Variants in ADAMTS6 observed in about 807,000 individuals in gnomAD.
The protein encoded by ADAMTS6 is ADAM metallopeptidase with thrombospondin type 1 motif 6, also known as A disintegrin and metalloproteinase with thrombospondin motifs 6.
ADAMTS6 carries 23 observed loss-of-function variants against 144.3 expected under a neutral mutation model. The observed-to-expected ratio is 0.16, with a 90% CI of 0.11 to 0.23. ADAMTS6 has a LOEUF of 0.23. Among genes scored for constraint, ADAMTS6 ranks in the 10% least tolerant of loss-of-function variants. The pLI, the probability that ADAMTS6 is intolerant of heterozygous loss-of-function variation, is 1.00. For missense variants in ADAMTS6, 999 were observed against 1,379.6 expected (o/e 0.72, Z 4.37); for synonymous variants, 444 against 457.5 (o/e 0.97, Z 0.38).
intron 7 of ADAMTS6, among the ~76,000 whole-genome samples, chr5:65,438,483 C>A (rs999938372): frequency 1.3e-5 from 2 of 152,118 alleles, no homozygotes; most frequent in Non-Finnish European, 2.9e-5. Flanking sequence ...GCCAAGATCA[C>A]GCCACTGCAC....
At chr5:65,243,084 T>A (rs759945399) in intron 14 of ADAMTS6, among the ~76,000 whole-genome samples, 1 of 152,102 alleles carries the variant, frequency 6.6e-6, no homozygotes, top group African/African-American at 2.4e-5. Context: ...TTAATTTGAC[T>A]TATCTTGTGA....
intron 14 of ADAMTS6, among the ~76,000 whole-genome samples, chr5:65,256,208 C>T (rs1403941823): frequency 2.6e-5 from 4 of 152,230 alleles, no homozygotes; most frequent in African/African-American, 9.6e-5. Flanking sequence ...TCTTCAGCTG[C>T]ACTAGCAACA....
chr5:65,458,912 A>T (rs1020608497), intron 4 of ADAMTS6, among the ~76,000 whole-genome samples: 4 of 152,196 alleles, frequency 2.6e-5, no homozygotes, highest in African/African-American at 9.6e-5. Flanking sequence ...TTGGGTAACT[A>T]GTATGTGCTA....
intron 3 of ADAMTS6, among the ~76,000 whole-genome samples, chr5:65,462,222 T>C (rs1759683564): frequency 6.6e-6 from 1 of 152,094 alleles, no homozygotes; most frequent in Admixed American, 6.6e-5. Flanking sequence ...TCCTGCAGAA[T>C]AAGGGGGAAA....
At chr5:65,263,102 T>G (rs1338447665) in intron 12 of ADAMTS6, 140 bp from the exon 13 acceptor site, 8 of 1,095,080 alleles carry the variant, frequency 7.3e-6, no homozygotes, top group Non-Finnish European at 5.2e-6. Flanking sequence ...GTTCTCTAAC[T>G]GTGTTTAGAC....
chr5:65,402,652 C>T (rs1754023996), intron 7 of ADAMTS6, among the ~76,000 whole-genome samples: 2 of 151,948 alleles, frequency 1.3e-5, no homozygotes, highest in African/African-American at 4.8e-5. Flanking sequence ...GCCCTCCTTG[C>T]TATCACAATG....
At chr5:65,397,892 A>AAAC (rs1753493970) in intron 7 of ADAMTS6, among the ~76,000 whole-genome samples, 1 of 151,564 alleles carries the variant, frequency 6.6e-6, no homozygotes, top group Non-Finnish European at 1.5e-5. Flanking sequence ...AAAAAAAAAA[A>AAAC]AAAAAGTATG....
At chr5:65,199,785 T>C (rs1250848289) in intron 20 of ADAMTS6, among the ~76,000 whole-genome samples, 2 of 152,138 alleles carry the variant, frequency 1.3e-5, no homozygotes, top group Non-Finnish European at 2.9e-5. Context: ...ATTGTGTTTA[T>C]GAGATATAAA....
intron 24 of ADAMTS6, among the ~76,000 whole-genome samples, chr5:65,163,395 T>C (rs1001144469): frequency 6.6e-6 from 1 of 152,228 alleles, no homozygotes; most frequent in African/African-American, 2.4e-5. Flanking sequence ...TGATTTTTAA[T>C]TAATGTAGCA....
chr5:65,242,308 A>G (rs1759260430), intron 14 of ADAMTS6, 102 bp from the exon 15 acceptor site: 1 of 683,190 alleles, frequency 1.5e-6, no homozygotes, highest in Admixed American at 3.2e-5. Context: ...TCACTACCTT[A>G]TTCTGTGGCT....
rs1263162831 is a variant in ADAMTS6, at chr5:65,470,812, G to C, written c.428C>G (p.Thr143Arg). Residue 143 changes from threonine to arginine, a missense_variant, in exon 3 of 25, where the codon ACA becomes AGA. By Grantham distance (71) the Thr-to-Arg change is moderately conservative. Transcript: ENST00000381055. The part of the protein sequence containing the change: ...YTGYLQDQRS[T>R]TKVALSNCVG... ...ACAGTTGCTTAAAGCCACTTTAGTTGTACTACGTTGATCTTGCAAATATCC... is the reference window on the plus strand; with the variant it reads ...ACAGTTGCTTAAAGCCACTTTAGTTCTACTACGTTGATCTTGCAAATATCC... 1.2e-6 allele frequency: 2 copies of C among 1,605,196 alleles called. No individual in the cohort carries two copies. The highest frequency in any genetic ancestry group is 4.5e-5 in the East Asian group (2 of 44,584).
intron 7 of ADAMTS6, among the ~76,000 whole-genome samples, chr5:65,370,848 T>A (rs1369509313): frequency 6.6e-6 from 1 of 152,194 alleles, no homozygotes; most frequent in African/African-American, 2.4e-5. Context: ...AAGACAGCAG[T>A]AACCTCTGCA....
chr5:65,469,730 T>C (rs892928969), intron 3 of ADAMTS6, among the ~76,000 whole-genome samples: 1 of 152,230 alleles, frequency 6.6e-6, no homozygotes, highest in East Asian at 1.9e-4. Context: ...TCCTCCATTG[T>C]GTAGTTCTTG....
chr5:65,198,453 A>T (rs1026210641), intron 20 of ADAMTS6: 2 of 166,972 alleles, frequency 1.2e-5, no homozygotes, highest in Non-Finnish European at 2.9e-5. Context: ...TACACACCAA[A>T]TGCTTCCCCC....
At chr5:65,412,785 G>T (rs982890780) in intron 7 of ADAMTS6, among the ~76,000 whole-genome samples, 24 of 152,120 alleles carry the variant, frequency 1.6e-4, no homozygotes, top group African/African-American at 5.8e-4. Context: ...TAAATTAAAA[G>T]TAATAATATA....
intron 7 of ADAMTS6, among the ~76,000 whole-genome samples, chr5:65,395,851 T>A (rs1312571114): frequency 2.0e-5 from 3 of 152,198 alleles, no homozygotes; most frequent in African/African-American, 7.2e-5. Flanking sequence ...CATTCAGCAA[T>A]AACTTGTACT....
intron 7 of ADAMTS6, among the ~76,000 whole-genome samples, chr5:65,357,361 C>T (rs576784204): frequency 6.0e-4 from 91 of 151,622 alleles, no homozygotes; most frequent in African/African-American, 2.1e-3. Flanking sequence ...GGGATGCACA[C>T]TCTTACATTT....
chr5:65,256,442 T>C (rs1360979787), intron 14 of ADAMTS6: 2 of 152,228 alleles, frequency 1.3e-5, no homozygotes, highest in Admixed American at 6.5e-5. Flanking sequence ...CATTTTAGTA[T>C]GACAGCAGAA....
chr5:65,388,923 C>T (rs912018556), intron 7 of ADAMTS6, among the ~76,000 whole-genome samples: 2 of 152,066 alleles, frequency 1.3e-5, no homozygotes, highest in Non-Finnish European at 2.9e-5. Context: ...ATGAAGGTTT[C>T]CAGGCCGGGC....
Sources: gnomAD v4.1 joint callset for allele counts (sites outside exome capture counted in the v4.1 genomes callset) on GRCh38, gnomAD v4.1.1 for gene constraint, MANE v1.5 for transcripts, NCBI Gene and HGNC (gene_info 2026-07-23, HGNC 2026-07-21) for gene names.